The following TNRC6B variants were observed in gnomAD, a reference collection of about 807,000 sequenced individuals.
TNRC6B encodes the protein trinucleotide repeat containing adaptor 6B.
Under a neutral mutation model 203.6 loss-of-function variants are expected in TNRC6B, and 52 were observed. That is an observed-to-expected ratio of 0.26 (90% CI 0.20 to 0.32). The LOEUF is 0.32. TNRC6B is among the 10% of genes least tolerant of loss of function. The pLI is 1.00. For synonymous variants in TNRC6B, 838 were observed against 845.7 expected (o/e 0.99, Z 0.16); for missense variants, 1,923 against 2,286.2 (o/e 0.84, Z 3.24).
intron 21 of TNRC6B, among the ~76,000 whole-genome samples, chr22:40,318,753 C>T (rs1027242900): frequency 2.6e-5 from 4 of 152,012 alleles, no homozygotes; most frequent in Non-Finnish European, 4.4e-5. Flanking sequence ...GCAGGCCAAT[C>T]GGCTGTTCAC....
intron 4 of TNRC6B, among the ~76,000 whole-genome samples, chr22:40,163,609 A>C (rs1350461931): frequency 6.6e-6 from 1 of 151,712 alleles, no homozygotes; most frequent in African/African-American, 2.4e-5. Context: ...TAAAACTACA[A>C]AATTAGCCAG....
At chr22:40,316,608 A>G (rs2071262859) in intron 21 of TNRC6B, among the ~76,000 whole-genome samples, 1 of 152,164 alleles carries the variant, frequency 6.6e-6, no homozygotes, top group Non-Finnish European at 1.5e-5. Context: ...AGGTTGGGCA[A>G]TAGTGCAAGA....
chr22:40,157,808 G>A (rs894648391), intron 4 of TNRC6B, among the ~76,000 whole-genome samples: 4 of 152,040 alleles, frequency 2.6e-5, no homozygotes, highest in African/African-American at 9.7e-5. Context: ...TGTGCACAAG[G>A]TACTTTGCTT....
chr22:40,102,601 C>T (rs2068249137), intron 1 of TNRC6B, among the ~76,000 whole-genome samples: 1 of 151,984 alleles, frequency 6.6e-6, no homozygotes, highest in African/African-American at 2.4e-5. Flanking sequence ...AATTTATATA[C>T]ATCATATATA....
At chr22:40,072,709 C>G (rs935959380) in intron 1 of TNRC6B, among the ~76,000 whole-genome samples, 17 of 151,814 alleles carry the variant, frequency 1.1e-4, no homozygotes, top group African/African-American at 4.1e-4. Flanking sequence ...ACTAAAAATA[C>G]AAAAATTAGC....
At chr22:40,045,068 C>CG (rs1165341663) in intron 1 of TNRC6B, 4 of 143,874 alleles carry the variant, frequency 2.8e-5, no homozygotes, top group Admixed American at 1.4e-4. Context: ...GCGGGGCGGC[C>CG]GGGGGTCGGC....
At chr22:40,312,068 T>C (rs1021121697) in intron 17 of TNRC6B, among the ~76,000 whole-genome samples, 5 of 152,258 alleles carry the variant, frequency 3.3e-5, no homozygotes, top group Admixed American at 6.5e-5. Flanking sequence ...AGCAGTATCA[T>C]TTGTATTACA....
At chr22:40,276,882 A>T (rs2070651954) in intron 7 of TNRC6B, 195 bp from the exon 8 acceptor site, 2 of 393,468 alleles carry the variant, frequency 5.1e-6, no homozygotes, top group Non-Finnish European at 4.5e-6. Context: ...GGTGAATTTT[A>T]TAAAAATGAA....
chr22:40,067,824 C>T (rs745812717), intron 1 of TNRC6B, among the ~76,000 whole-genome samples: 42 of 152,154 alleles, frequency 2.8e-4, no homozygotes, highest in Admixed American at 7.2e-4. Context: ...TCTCACTCCC[C>T]GACTTACCTG....
chr22:40,199,371 A>C (rs116896379), intron 1 of TNRC6B, among the ~76,000 whole-genome samples: 1 of 152,164 alleles, frequency 6.6e-6, no homozygotes, highest in African/African-American at 2.4e-5. Flanking sequence ...TAACCAGGTA[A>C]TCCCAGCAGT....
intron 1 of TNRC6B, among the ~76,000 whole-genome samples, chr22:40,189,373 T>C (rs1157043163): frequency 6.6e-6 from 1 of 152,188 alleles, no homozygotes; most frequent in Non-Finnish European, 1.5e-5. Context: ...GTCTTCCAGC[T>C]TCCAGGTTTC....
chr22:40,097,974 T>C (rs926291423), intron 1 of TNRC6B, among the ~76,000 whole-genome samples: 2 of 152,066 alleles, frequency 1.3e-5, no homozygotes, highest in African/African-American at 4.8e-5. Flanking sequence ...CCACCACTCC[T>C]GGCTGGCTCT....
chr22:40,177,906 A>T, upstream of TNRC6B: 1 of 1,342,630 alleles, frequency 7.4e-7, no homozygotes, highest in Non-Finnish European at 9.5e-7. Context: ...TTTGAAGGTC[A>T]CAAAAAGCTG....
rs1414674202 is a variant in TNRC6B, at chr22:40,171,403, C to T, written c.113+15221C>T. Reference sequence around the variant, plus strand: ...GTCTCGATCTCCTGACCTTGTGATCCGCCTGCCTCGGCCTCCCAAAGTGCT... The same window carrying T: ...GTCTCGATCTCCTGACCTTGTGATCTGCCTGCCTCGGCCTCCCAAAGTGCT... On this transcript the variant is annotated intron_variant, in intron 4 of 23. Coordinates refer to the TNRC6B transcript ENST00000301923. 5.9e-5 allele frequency among the ~76,000 whole-genome samples: 9 copies of T among 151,902 alleles called. No homozygotes were observed. The South Asian group carries it at 6.2e-4, about 11-fold the overall frequency.
At chr22:40,194,961 A>G (rs955009853) in intron 1 of TNRC6B, among the ~76,000 whole-genome samples, 1 of 152,186 alleles carries the variant, frequency 6.6e-6, no homozygotes, top group Non-Finnish European at 1.5e-5. Flanking sequence ...TTGTAAACCC[A>G]GGGGAGACCT....
chr22:40,318,905 T>C (rs1250291739), intron 21 of TNRC6B, among the ~76,000 whole-genome samples: 2 of 152,000 alleles, frequency 1.3e-5, no homozygotes. Flanking sequence ...ACCCCATCTC[T>C]ACTAAAAAGA....
intron 12 of TNRC6B, among the ~76,000 whole-genome samples, chr22:40,291,955 G>A (rs1428636844): frequency 6.6e-6 from 1 of 152,236 alleles, no homozygotes; most frequent in Non-Finnish European, 1.5e-5. Flanking sequence ...CACTTTGGGA[G>A]GCCAAGGCAG....
intron 11 of TNRC6B, 72 bp downstream of exon 11, chr22:40,281,361 A>T: frequency 7.8e-7 from 1 of 1,284,578 alleles, no homozygotes; most frequent in Non-Finnish European, 1.0e-6. Context: ...AGTTTATTGC[A>T]TCATTTGTCT....
intron 21 of TNRC6B, among the ~76,000 whole-genome samples, chr22:40,316,927 A>G (rs1479317967): frequency 6.6e-6 from 1 of 152,206 alleles, no homozygotes; most frequent in African/African-American, 2.4e-5. Context: ...AAGAGAAAAA[A>G]ACAAACAGAG....
Sources: allele counts gnomAD v4.1 joint callset (sites outside exome capture counted in the v4.1 genomes callset), GRCh38; gene constraint gnomAD v4.1.1; transcripts MANE v1.5; gene names NCBI Gene and HGNC (gene_info 2026-07-23, HGNC 2026-07-21).